Variants in ARHGAP33 observed in about 807,000 individuals in gnomAD.
ARHGAP33 encodes Rho GTPase activating protein 33.
ARHGAP33 carries 57 observed loss-of-function variants against 126.2 expected under a neutral mutation model. The ratio of observed to expected loss-of-function variants is 0.45; its 90% CI spans 0.36 to 0.56. ARHGAP33 has a LOEUF of 0.56. Ranked by LOEUF, ARHGAP33 falls within the 20% of genes least tolerant of loss-of-function variation. The pLI, the probability that ARHGAP33 is intolerant of heterozygous loss-of-function variation, is 0.00. For synonymous variants in ARHGAP33, 711 were observed against 755.0 expected (o/e 0.94, Z 0.95); for missense variants, 1,500 against 1,748.3 (o/e 0.86, Z 2.53).
At position 35,788,469 on chromosome 19, in the gene ARHGAP33, T is replaced by A. The variant is rs1972245857; in HGVS notation, c.*40T>A. 6.8e-7 allele frequency: 1 copy of A among 1,461,418 alleles called. No homozygotes were observed. Among genetic ancestry groups the A allele is most frequent in the South Asian group, 1.4e-5 (1 of 73,134 alleles). 90.5% of individuals were successfully genotyped at this position (1,461,418 alleles called of 1,614,324 possible). A position where few individuals can be genotyped will look rare whatever the true frequency, so the allele number is the denominator to read the frequency against. ...GGGCCGTCCTTCCTTCCCTTCACCC[T>A]CACTGGATCTTGGCCCAACCAAATC... On this transcript the variant is annotated 3_prime_UTR_variant, in exon 21 of 21. Coordinates refer to ENST00000007510, the MANE Select transcript of ARHGAP33 (RefSeq NM_001366178.1).
Position 35,787,782 on chromosome 19 carries a change from C to T in ARHGAP33, c.3217C>T (p.Leu1073=). 6.3e-7 allele frequency: 1 copy of T among 1,582,518 alleles called. No homozygotes were observed. The highest frequency in any genetic ancestry group is 1.2e-5 in the South Asian group (1 of 86,426). The change falls in exon 21 of 21, where the codon CTG becomes TTG. Residue 1073 remains leucine (L), a synonymous_variant. Coordinates refer to ENST00000007510, the MANE Select transcript of ARHGAP33 (RefSeq NM_001366178.1). ...CCCAGCCCCAGTCTGGAGGAGCTCT[C>T]TGGGCCCCCCTGCACCACTCGACAG... ...SSPAPVWRSS[L]GPPAPLDRGE...
Position 35,786,067 on chromosome 19 carries a change from C to T in ARHGAP33, c.1943-346C>T. The stretch of plus-strand genomic sequence containing the variant: ...TGCGGGGGGCTGCTTATCCACCCCA[C>T]CCAGCCGTGCCTCTGGGGGCTCTTC... On this transcript the variant is annotated intron_variant, in intron 19 of 20. Coordinates refer to ENST00000007510, the MANE Select transcript of ARHGAP33 (RefSeq NM_001366178.1). The surrounding 1 kb of genome is among the most constrained non-coding windows in gnomAD (Gnocchi z 7.0). 1 of 1,186,296 alleles carries T rather than the reference C, an allele frequency of 8.4e-7. No individual in the cohort carries two copies. The highest frequency in any genetic ancestry group is 1.0e-6 in the Non-Finnish European group (1 of 956,042). 73.5% of individuals were successfully genotyped at this position (1,186,296 alleles called of 1,614,324 possible). A position where few individuals can be genotyped will look rare whatever the true frequency, so the allele number is the denominator to read the frequency against.
chr19:35,783,548 A>T (rs1023987313), intron 15 of ARHGAP33, among the ~76,000 whole-genome samples: 34 of 152,172 alleles, frequency 2.2e-4, no homozygotes, highest in African/African-American at 8.2e-4. Flanking sequence ...AGGTGCAGAC[A>T]TCTGGGCCTG....
chr19:35,784,941 C>G lies in ARHGAP33; in HGVS notation c.1568-12C>G. 6.5e-7 allele frequency: 1 copy of G among 1,533,126 alleles called. No individual in the cohort carries two copies. Among genetic ancestry groups the G allele is most frequent in the Non-Finnish European group, 8.7e-7 (1 of 1,143,114 alleles). The allele number at this position is 1,533,126 out of a possible 1,614,324, so 95.0% of individuals were successfully genotyped here. ...CCAGAGCTGACAGCTGCCCCCTTTC[C>G]ACACTCCCCAGGCCGCTGCCTGCTC... On this transcript the variant is annotated splice_polypyrimidine_tract_variant and intron_variant, in intron 16 of 20. Transcript: ENST00000007510.
In ARHGAP33 at chr19:35,777,806, G is replaced by A. The variant is rs201076882; in HGVS notation, c.105-18G>A. On this transcript the variant is annotated intron_variant, in intron 2 of 20. Coordinates refer to ENST00000007510, the MANE Select transcript of ARHGAP33 (RefSeq NM_001366178.1). The stretch of plus-strand genomic sequence containing the variant: ...GGAGACTCAAGGAGCTGCTGGTGAC[G>A]CATCCCCTGTCTCCCAGGCTCTCAG... 109 of 1,613,896 alleles carry A rather than the reference G, an allele frequency of 6.8e-5. No individual in the cohort carries two copies. The highest frequency in any genetic ancestry group is 5.8e-4 in the East Asian group (26 of 44,894).
At chr19:35,784,556 C>T in intron 16 of ARHGAP33, 1 of 1,314,058 alleles carries the variant, frequency 7.6e-7, no homozygotes, top group Non-Finnish European at 9.6e-7. Context: ...CCCCTTGTAG[C>T]TCCTGGGGGC....
In ARHGAP33 at chr19:35,788,621, C is replaced by A. The variant is rs1343750405; in HGVS notation, c.*192C>A. 8 of 546,092 alleles carry A rather than the reference C, an allele frequency of 1.5e-5. No homozygotes were observed. The East Asian group carries it at 2.7e-4, about 19-fold the overall frequency. 33.8% of individuals were successfully genotyped at this position (546,092 alleles called of 1,614,324 possible). A position where few individuals can be genotyped will look rare whatever the true frequency, so the allele number is the denominator to read the frequency against. ...CCCTGGACTGAAGGGTCTGCCCATC[C>A]CCCCACCACCCTCCATCCTGGGGGC... On this transcript the variant is annotated 3_prime_UTR_variant, in exon 21 of 21. Transcript: ENST00000007510.
rs753773561 is a variant in ARHGAP33 at position 35,787,658 on chromosome 19, C to G, written c.3093C>G (p.Gly1031=). 3.8e-6 allele frequency: 6 copies of G among 1,593,604 alleles called. No homozygotes were observed. The Admixed American group carries it at 1.1e-4, about 30-fold the overall frequency. The change falls in exon 21 of 21, where the codon GGC becomes GGG. Residue 1031 remains glycine (G), a synonymous_variant. Transcript: ENST00000007510. ...TCCCCTCACAGGTTCCTACCCCCGG[C>G]TTCTTCTCCCCAGCCCCCAGGGAGT... ...CSVPSQVPTP[G]FFSPAPRECL...
At chr19:35,785,987 T>C in intron 19 of ARHGAP33, 1 of 1,090,272 alleles carries the variant, frequency 9.2e-7, no homozygotes, top group African/African-American at 1.7e-5. Flanking sequence ...GCTTGGCTTT[T>C]TCTCCATCGC....
At chr19:35,780,132 C>T in intron 6 of ARHGAP33, 79 bp from the exon 7 acceptor site, 2 of 1,572,796 alleles carry the variant, frequency 1.3e-6, no homozygotes, top group Non-Finnish European at 1.7e-6. Context: ...AGTGGCCTCA[C>T]CCAGCGCGGA....
chr19:35,780,830 G>T lies in ARHGAP33; in HGVS notation c.829+14G>T. ...CTCTGACCTCAGGTAATAGAAATAG[G>T]CGGTCAGGTCCCAGCCCCTACCCCA... On this transcript the variant is annotated intron_variant, in intron 10 of 20. Transcript: ENST00000007510. The T allele has an allele frequency of 1.9e-6, 3 of 1,613,860 alleles. No homozygotes were observed. The highest frequency in any genetic ancestry group is 2.5e-6 in the Non-Finnish European group (3 of 1,179,976).
chr19:35,784,534 G>C, intron 16 of ARHGAP33: 1 of 1,311,876 alleles, frequency 7.6e-7, no homozygotes, highest in Non-Finnish European at 9.6e-7. Context: ...CCCGGACGCC[G>C]CTCTTCCTTC....
Position 35,780,280 on chromosome 19 carries a change from GC to G in ARHGAP33, c.574del (p.His192MetfsTer2). 6.2e-7 allele frequency: 1 copy of G among 1,613,670 alleles called. No individual in the cohort carries two copies. The highest frequency in any genetic ancestry group is 8.5e-7 in the Non-Finnish European group (1 of 1,180,022). ...ACTCAATATCCCTGCAGTGGCGGCCGCCCATGTGATCAAACGGTATACAGCC... is the reference window on the plus strand; with the variant it reads ...ACTCAATATCCCTGCAGTGGCGGCCGCCATGTGATCAAACGGTATACAGCC... ...ASLNIPAVAA[A>X]HVIKRYTAQA... On this transcript the variant is annotated frameshift_variant, in exon 7 of 21. Coordinates refer to ENST00000007510, the MANE Select transcript of ARHGAP33 (RefSeq NM_001366178.1). LOFTEE classifies it high-confidence loss of function.
Position 35,775,570 on chromosome 19 carries a change from C to T in ARHGAP33, c.-89C>T. The T allele has an allele frequency of 4.3e-6, 6 of 1,406,370 alleles. No homozygotes were observed. The highest frequency in any genetic ancestry group is 5.6e-6 in the Non-Finnish European group (6 of 1,080,574). 87.1% of individuals were successfully genotyped at this position (1,406,370 alleles called of 1,614,324 possible). ...CCGCCCGCGCGCGGCTCGCGCCCTCCCCTTTGTGTCGCCATGGCGGCGGCA... is the reference window on the plus strand; with the variant it reads ...CCGCCCGCGCGCGGCTCGCGCCCTCTCCTTTGTGTCGCCATGGCGGCGGCA... On this transcript the variant is annotated 5_prime_UTR_variant, in exon 1 of 21. Transcript: ENST00000007510.
chr19:35,778,750 G>A (rs79775485), intron 5 of ARHGAP33, 149 bp downstream of exon 5: 49,420 of 1,190,616 alleles, frequency 0.042, 1,361 homozygotes, highest in East Asian at 0.1. Context: ...CCTTAGAAAC[G>A]TAGTAGGCTT....
chr19:35,778,957 G>GTAGTGT (rs1971599505), intron 5 of ARHGAP33, 75 bp from the exon 6 acceptor site: 1 of 1,246,426 alleles, frequency 8.0e-7, no homozygotes, highest in Admixed American at 2.0e-5. Context: ...CCAGAGACGA[G>GTAGTGT]CTAGGGCAGT....
Position 35,786,194 on chromosome 19 carries a change from T to C in ARHGAP33, c.1943-219T>C, listed in dbSNP as rs1246746718. 6 of 1,401,970 alleles carry C rather than the reference T, an allele frequency of 4.3e-6. No homozygotes were observed. The East Asian group carries it at 1.0e-4, about 24-fold the overall frequency. 86.8% of individuals were successfully genotyped at this position (1,401,970 alleles called of 1,614,324 possible). A position where few individuals can be genotyped will look rare whatever the true frequency, so the allele number is the denominator to read the frequency against. ...GCTCAGCAGCTGTATGTGAATCTGT[T>C]GGTCTCGTGCTCACAGCCTGTGGGG... On this transcript the variant is annotated intron_variant, in intron 19 of 20. Transcript: ENST00000007510. This position sits in a 1 kb window ranked among gnomAD's most constrained non-coding sequence, Gnocchi z 7.0.
In ARHGAP33 at chr19:35,784,773, C is replaced by T. The variant is rs1001441899; in HGVS notation, c.1568-180C>T. ...GCTGCCTCCTCATCAGCTCGTCCCG[C>T]CCCGCCCTCCTCCCACCTGCCTGCT... On this transcript the variant is annotated intron_variant, in intron 16 of 20. Transcript: ENST00000007510. 1.4e-5 allele frequency: 19 copies of T among 1,366,104 alleles called. 1 individual carries two copies. The Admixed American group carries it at 2.5e-4, about 18-fold the overall frequency. 84.6% of individuals were successfully genotyped at this position (1,366,104 alleles called of 1,614,324 possible).
At position 35,787,219 on chromosome 19, in the gene ARHGAP33, C is replaced by T. The variant is rs1972166281; in HGVS notation, c.2654C>T (p.Pro885Leu). Reference sequence around the variant, plus strand: ...CCCCCTCCCCTGTCTCTCCTGCGCCCTGGGGGTGCCCCACCCCCGCCCCCT... The same window carrying T: ...CCCCCTCCCCTGTCTCTCCTGCGCCTTGGGGGTGCCCCACCCCCGCCCCCT... Reference protein sequence around the residue: ...LPPPPLSLLRPGGAPPPPPKN... With the variant: ...LPPPPLSLLRLGGAPPPPPKN... Residue 885 changes from proline (P) to leucine (L), a missense_variant, in exon 21 of 21, where the codon CCT (proline) becomes CTT (leucine). This residue lies in a region of ARHGAP33 where 642 missense variants were observed against 634.0 expected (regional missense o/e 1.01). Coordinates refer to ENST00000007510, the MANE Select transcript of ARHGAP33 (RefSeq NM_001366178.1). 1.2e-6 allele frequency: 2 copies of T among 1,610,626 alleles called. No individual in the cohort carries two copies. The highest frequency in any genetic ancestry group is 1.7e-5 in the Admixed American group (1 of 59,554).
Sources: gnomAD v4.1 joint callset for allele counts (sites outside exome capture counted in the v4.1 genomes callset) on GRCh38, gnomAD v4.1.1 for gene constraint, gnomAD v4.1.1 regional missense constraint, Gnocchi (gnomAD v3.1) non-coding constraint, MANE v1.5 for transcripts, NCBI Gene and HGNC (gene_info 2026-07-23, HGNC 2026-07-21) for gene names.